Variants in TENM1 observed in about 807,000 individuals in gnomAD.
TENM1 encodes the protein teneurin-1.
A neutral mutation model predicts 174.8 loss-of-function variants in TENM1; 35 were observed. That is an observed-to-expected ratio of 0.20 (90% confidence interval 0.15 to 0.27). TENM1 has a LOEUF of 0.27. Among genes scored for constraint, TENM1 ranks in the 10% least tolerant of loss-of-function variants. TENM1 has a pLI of 1.00. For synonymous variants in TENM1, 781 were observed against 798.7 expected, an observed-to-expected ratio of 0.98 and a Z score of 0.37; for missense variants, 1,633 against 2,130.1, an observed-to-expected ratio of 0.77 and a Z score of 4.59.
the TENM1 span, among the ~76,000 whole-genome samples, chrX:125,086,918 A>T: frequency 9.0e-6 from 1 of 111,485 alleles, no homozygotes; most frequent in South Asian, 3.7e-4. Flanking sequence ...AAGCAAAAGT[A>T]CTGGGACAAA....
intron 4 of TENM1, among the ~76,000 whole-genome samples, chrX:124,710,514 TATTATGACGGCA>T (rs2053021727): frequency 8.9e-6 from 1 of 111,977 alleles, no homozygotes; most frequent in Non-Finnish European, 1.9e-5. Context: ...AATTGTTGGC[TATTATGACGGCA>T]ATTACAAGAA....
At chrX:124,836,435 A>G (rs927310642) in intron 3 of TENM1, among the ~76,000 whole-genome samples, 1 of 111,649 alleles carries the variant, frequency 9.0e-6, no homozygotes, top group Non-Finnish European at 1.9e-5. Context: ...ACTATCTTTT[A>G]TCTGTATATT....
At chrX:124,897,278 C>A (rs1265393782) in intron 1 of TENM1, among the ~76,000 whole-genome samples, 3 of 111,741 alleles carry the variant, frequency 2.7e-5, no homozygotes, top group Non-Finnish European at 5.6e-5. Flanking sequence ...GACATATCAT[C>A]TGAAATGTCC....
intron 22 of TENM1, among the ~76,000 whole-genome samples, chrX:124,475,177 G>A (rs192693462): frequency 9.0e-6 from 1 of 110,508 alleles, no homozygotes; most frequent in East Asian, 2.9e-4. Context: ...AGAACACGGA[G>A]GCTATCAAGA....
the TENM1 span, among the ~76,000 whole-genome samples, chrX:125,020,571 C>T: frequency 7.4e-5 from 8 of 108,197 alleles, no homozygotes; most frequent in African/African-American, 1.7e-4. Flanking sequence ...CTTCAAAATT[C>T]GAGTTAATTT....
intron 23 of TENM1, among the ~76,000 whole-genome samples, chrX:124,442,088 G>A (rs926789620): frequency 2.7e-5 from 3 of 111,510 alleles, no homozygotes; most frequent in Admixed American, 9.5e-5. Context: ...AGCTTTCATC[G>A]TCCCTGTCTT....
chrX:124,754,906 A>C (rs1291610261), intron 3 of TENM1, among the ~76,000 whole-genome samples: 3 of 105,978 alleles, frequency 2.8e-5, no homozygotes, highest in Non-Finnish European at 5.7e-5. Flanking sequence ...CTTTACTTCC[A>C]ACTATGTGGT....
chrX:125,094,128 G>T, the TENM1 span, among the ~76,000 whole-genome samples: 2 of 112,335 alleles, frequency 1.8e-5, no homozygotes, highest in African/African-American at 6.5e-5. Context: ...TCCTTGTGCA[G>T]AAAGTAATTT....
chrX:125,159,037 A>G, the TENM1 span, among the ~76,000 whole-genome samples: 2 of 111,289 alleles, frequency 1.8e-5, no homozygotes, highest in Admixed American at 1.9e-4. Context: ...CTAGCAGCAC[A>G]TGAAGAGGTG....
chrX:124,632,743 AT>A (rs1341717646), intron 11 of TENM1, among the ~76,000 whole-genome samples: 2 of 111,959 alleles, frequency 1.8e-5, no homozygotes, highest in Admixed American at 9.5e-5. Flanking sequence ...GAGAAAAAAA[AT>A]AAAACAATCA....
At chrX:124,956,585 A>G (rs1425975279) in intron 1 of TENM1, among the ~76,000 whole-genome samples, 7 of 112,249 alleles carry the variant, frequency 6.2e-5, no homozygotes, top group African/African-American at 2.3e-4. Flanking sequence ...ATGAATTTTC[A>G]TGAACAAATG....
intron 22 of TENM1, 86 bp downstream of exon 25, chrX:124,481,646 C>T (rs2046842820): frequency 7.5e-6 from 2 of 268,343 alleles, no homozygotes; most frequent in Non-Finnish European, 1.3e-5. Context: ...AGTGTGGCAA[C>T]AGTCTCGGGA....
chrX:125,145,036 C>T, the TENM1 span, among the ~76,000 whole-genome samples: 1 of 111,650 alleles, frequency 9.0e-6, no homozygotes, highest in Non-Finnish European at 1.9e-5. Context: ...GCGTGAGCCA[C>T]CTTGTCCGGC....
intron 3 of TENM1, among the ~76,000 whole-genome samples, chrX:124,858,836 T>A (rs1218726277): frequency 9.0e-6 from 1 of 111,508 alleles, no homozygotes; most frequent in Non-Finnish European, 1.9e-5. Flanking sequence ...TTTTTTTTTT[T>A]AACACACTGG....
At chrX:125,099,638 C>CTCTTCTTGGGATGCATTCTGTG in the TENM1 span, among the ~76,000 whole-genome samples, 8 of 111,818 alleles carry the variant, frequency 7.2e-5, no homozygotes, top group Non-Finnish European at 1.1e-4. Context: ...GTTCCATCTC[C>CTCTTCTTGGGATGCATTCTGTG]TCTTCTTGGG....
At chrX:125,192,773 T>C in the TENM1 span, among the ~76,000 whole-genome samples, 3 of 111,688 alleles carry the variant, frequency 2.7e-5, no homozygotes, top group African/African-American at 9.8e-5. Flanking sequence ...CTAATTTGTA[T>C]GTATACATGT....
At chrX:124,854,842 C>A (rs1190218736) in intron 3 of TENM1, among the ~76,000 whole-genome samples, 1 of 111,618 alleles carries the variant, frequency 9.0e-6, no homozygotes, top group African/African-American at 3.2e-5. Context: ...TTACTCCAGG[C>A]AAGTAGGAAA....
At chrX:124,717,042 C>T (rs765022316) in intron 4 of TENM1, among the ~76,000 whole-genome samples, 2 of 110,514 alleles carry the variant, frequency 1.8e-5, no homozygotes, top group African/African-American at 3.3e-5. Context: ...AATAAACTTC[C>T]ACTCCTGCTC....
the TENM1 span, among the ~76,000 whole-genome samples, chrX:125,183,687 A>G: frequency 8.9e-6 from 1 of 111,936 alleles, no homozygotes. Context: ...GCTAAACTTC[A>G]GCTTGAAACT....
Sources: gnomAD v4.1 joint callset for allele counts (sites outside exome capture counted in the v4.1 genomes callset) on GRCh38, gnomAD v4.1.1 for gene constraint, MANE v1.5 for transcripts, NCBI Gene and HGNC (gene_info 2026-07-23, HGNC 2026-07-21) for gene names.